The following B3GNT5 variants were observed in gnomAD, a reference collection of about 807,000 sequenced individuals.
B3GNT5 encodes UDP-GlcNAc:betaGal beta-1,3-N-acetylglucosaminyltransferase 5, also known as lactosylceramide 1,3-N-acetyl-beta-D-glucosaminyltransferase.
A neutral mutation model predicts 25.9 loss-of-function variants in B3GNT5; 11 were observed. The ratio of observed to expected loss-of-function variants is 0.42; its 90% CI spans 0.27 to 0.70. The LOEUF (loss-of-function observed/expected upper bound fraction) is 0.70. B3GNT5 is among the 30% of genes least tolerant of loss of function. The pLI is 0.23. For missense variants in B3GNT5, 385 were observed against 458.4 expected, an observed-to-expected ratio of 0.84 and a Z score of 1.46; for synonymous variants, 166 against 158.6, an observed-to-expected ratio of 1.05 and a Z score of -0.35.
chr3:183,264,144 C>T (rs1258040932), intron 1 of B3GNT5, among the ~76,000 whole-genome samples: 1 of 152,158 alleles, frequency 6.6e-6, no homozygotes, highest in African/African-American at 2.4e-5. Context: ...TTTCTGTACC[C>T]CCCTAAGACT....
chr3:183,253,776 C>T (rs1724737003), intron 1 of B3GNT5: 1 of 152,300 alleles, frequency 6.6e-6, no homozygotes, highest in South Asian at 2.1e-4. Context: ...CAGCACAGTC[C>T]GCCTCTTGGC....
chr3:183,270,803 T>G lies in B3GNT5; in HGVS notation c.1005T>G (p.Asn335Lys). Residue 335 changes from asparagine (N) to lysine (K), a missense_variant, in exon 2 of 2, where the codon AAT becomes AAG. Physicochemically the swap from Asn to Lys is moderately conservative, Grantham distance 94. Transcript: ENST00000326505. The surrounding 1 kb of genome is among the most constrained non-coding windows in gnomAD (Gnocchi z 4.5). ...AAGATCTCCAGGACCTTTGGAAGAA[T>G]GCTACAGATCCTAAAGTAAAAACCA... ...HLEDLQDLWK[N>K]ATDPKVKTIS... 1.2e-6 allele frequency: 2 copies of G among 1,613,976 alleles called. No individual in the cohort carries two copies. The highest frequency in any genetic ancestry group is 4.5e-5 in the East Asian group (2 of 44,904).
intron 1 of B3GNT5, 54 bp downstream of exon 1, chr3:183,253,526 T>A (rs1040834729): frequency 6.6e-5 from 10 of 152,344 alleles, no homozygotes; most frequent in Admixed American, 5.9e-4. Flanking sequence ...TTCTCGTATT[T>A]TAGAAACGGA....
chr3:183,255,225 T>C (rs929329150), intron 1 of B3GNT5, among the ~76,000 whole-genome samples: 1 of 152,176 alleles, frequency 6.6e-6, no homozygotes, highest in Non-Finnish European at 1.5e-5. Flanking sequence ...TTGAAGGTAG[T>C]TGTATTAAGT....
intron 1 of B3GNT5, among the ~76,000 whole-genome samples, chr3:183,263,578 T>G (rs972303305): frequency 6.6e-6 from 1 of 152,192 alleles, no homozygotes; most frequent in Non-Finnish European, 1.5e-5. Context: ...GGCCCATTGC[T>G]GTCTCTCCAC....
At chr3:183,263,936 C>A (rs910712278) in intron 1 of B3GNT5, among the ~76,000 whole-genome samples, 1 of 152,142 alleles carries the variant, frequency 6.6e-6, no homozygotes, top group Non-Finnish European at 1.5e-5. Context: ...ATTTCCACCA[C>A]CCTCGACTAG....
rs985041217 is a variant in B3GNT5 at position 183,271,273 on chromosome 3, G to A, written c.*338G>A. On this transcript the variant is annotated 3_prime_UTR_variant, in exon 2 of 2. Coordinates refer to ENST00000326505, the MANE Select transcript of B3GNT5 (RefSeq NM_032047.5). Reference sequence around the variant, plus strand: ...TTTGATGTTAGAATAATTGCTTTTGGAAAATACCAAATGAACGTACAGTAC... The same window carrying A: ...TTTGATGTTAGAATAATTGCTTTTGAAAAATACCAAATGAACGTACAGTAC... 13 of 185,236 alleles carry A rather than the reference G, an allele frequency of 7.0e-5. No individual in the cohort carries two copies. Among genetic ancestry groups the A allele is most frequent in the Admixed American group, 2.5e-4 (4 of 16,124 alleles). 11.5% of individuals were successfully genotyped at this position (185,236 alleles called of 1,614,324 possible).
intron 1 of B3GNT5, among the ~76,000 whole-genome samples, chr3:183,268,789 C>G (rs910615764): frequency 6.6e-6 from 1 of 152,142 alleles, no homozygotes; most frequent in Non-Finnish European, 1.5e-5. Context: ...GTGGCTAAGG[C>G]GGCATTGGTG....
At chr3:183,264,234 T>G (rs1258533279) in intron 1 of B3GNT5, among the ~76,000 whole-genome samples, 1 of 152,156 alleles carries the variant, frequency 6.6e-6, no homozygotes, top group Non-Finnish European at 1.5e-5. Flanking sequence ...CATACACAGT[T>G]CTTGTCTAAA....
intron 1 of B3GNT5, among the ~76,000 whole-genome samples, chr3:183,257,066 A>T (rs1009594983): frequency 6.6e-6 from 1 of 152,240 alleles, no homozygotes; most frequent in Non-Finnish European, 1.5e-5. Context: ...AACCTGAAAA[A>T]AAAATCAGCC....
chr3:183,265,977 A>G (rs1258060037), intron 1 of B3GNT5: 1 of 152,198 alleles, frequency 6.6e-6, no homozygotes, highest in African/African-American at 2.4e-5. Flanking sequence ...AAGCATTTTG[A>G]CTTGTTGATG....
At chr3:183,262,382 A>G (rs917325659) in intron 1 of B3GNT5, among the ~76,000 whole-genome samples, 1 of 152,138 alleles carries the variant, frequency 6.6e-6, no homozygotes, top group African/African-American at 2.4e-5. Flanking sequence ...GCAGGGCTGT[A>G]TAAGTGCAGG....
chr3:183,264,382 T>G (rs1358852424), intron 1 of B3GNT5, among the ~76,000 whole-genome samples: 1 of 152,246 alleles, frequency 6.6e-6, no homozygotes, highest in Non-Finnish European at 1.5e-5. Flanking sequence ...GTTGGTGTCA[T>G]GCAGACACAC....
At chr3:183,256,672 CTT>C (rs1725070098) in intron 1 of B3GNT5, among the ~76,000 whole-genome samples, 1 of 152,198 alleles carries the variant, frequency 6.6e-6, no homozygotes, top group African/African-American at 2.4e-5. Flanking sequence ...AGATTTGACT[CTT>C]TTGCTCCTTT....
chr3:183,271,014 C>T lies in B3GNT5; in HGVS notation c.*79C>T, dbSNP rs907798982. The stretch of plus-strand genomic sequence containing the variant: ...AAAACCTTTAAATGTTCGTCTATAC[C>T]CTAAGTAAAATGAGGACGAAAGACA... On this transcript the variant is annotated 3_prime_UTR_variant, in exon 2 of 2. Coordinates refer to ENST00000326505, the MANE Select transcript of B3GNT5 (RefSeq NM_032047.5). 8 of 1,331,442 alleles carry T rather than the reference C, an allele frequency of 6.0e-6. No homozygotes were observed. Among genetic ancestry groups the T allele is most frequent in the Admixed American group, 2.6e-5 (1 of 38,538 alleles). 82.5% of individuals were successfully genotyped at this position (1,331,442 alleles called of 1,614,324 possible). A position where few individuals can be genotyped will look rare whatever the true frequency, so the allele number is the denominator to read the frequency against.
chr3:183,260,793 C>T (rs547422226), intron 1 of B3GNT5, among the ~76,000 whole-genome samples: 1 of 152,302 alleles, frequency 6.6e-6, no homozygotes, highest in Admixed American at 6.5e-5. Context: ...CCAGCTTTCC[C>T]CTCTATCCCA....
chr3:183,270,692 G>A lies in B3GNT5; in HGVS notation c.894G>A (p.Gln298=). 6.2e-7 allele frequency: 1 copy of A among 1,613,938 alleles called. No individual in the cohort carries two copies. Among genetic ancestry groups the A allele is most frequent in the South Asian group, 1.1e-5 (1 of 91,036 alleles). ...CCAATAAAATAGGGATAGTACCGCA[G>A]GACCATGTGTTTTTTTCTGGAGAGG... ...LCANKIGIVP[Q]DHVFFSGEGK... is the part of the protein sequence containing the mutation. Residue 298 remains glutamine, a synonymous_variant, in exon 2 of 2, where the codon CAG becomes CAA. Coordinates refer to ENST00000326505, the MANE Select transcript of B3GNT5 (RefSeq NM_032047.5). The surrounding 1 kb of genome is among the most constrained non-coding windows in gnomAD (Gnocchi z 4.5).
Position 183,268,511 on chromosome 3 carries a change from G to A in B3GNT5, c.-301-987G>A, listed in dbSNP as rs555650683. On this transcript the variant is annotated intron_variant, in intron 1 of 1. Transcript: ENST00000326505. ...TTAAATAATGGAAGTGGAGAAAATG[G>A]GGGGGGCGGTTCCAGATTTCAGGCA... Among the ~76,000 whole-genome samples, 24 of 152,018 alleles carry A rather than the reference G, an allele frequency of 1.6e-4. 1 individual carries two copies. Among genetic ancestry groups the A allele is most frequent in the African/African-American group, 5.8e-4 (24 of 41,342 alleles).
chr3:183,268,176 C>A (rs1389126462), intron 1 of B3GNT5, among the ~76,000 whole-genome samples: 1 of 152,188 alleles, frequency 6.6e-6, no homozygotes, highest in Admixed American at 6.5e-5. Context: ...TATGAAATGG[C>A]AAGTGTGACT....
Sources: gnomAD v4.1 joint callset for allele counts (sites outside exome capture counted in the v4.1 genomes callset) on GRCh38, gnomAD v4.1.1 for gene constraint, Gnocchi (gnomAD v3.1) non-coding constraint, MANE v1.5 for transcripts, NCBI Gene and HGNC (gene_info 2026-07-23, HGNC 2026-07-21) for gene names.